PCDH7: variants seen among roughly 807,000 people sequenced by gnomAD.
PCDH7 encodes protocadherin 7, also known as protocadherin-7.
In PCDH7, 17 loss-of-function variants were observed where a neutral mutation model predicts 58.9. The ratio of observed to expected loss-of-function variants is 0.29; its 90% CI spans 0.20 to 0.43. PCDH7 has a LOEUF of 0.43. Among genes scored for constraint, PCDH7 ranks in the 20% least tolerant of loss-of-function variants. PCDH7 has a pLI of 1.00. For missense variants in PCDH7, 1,274 were observed against 1,441.0 expected, an observed-to-expected ratio of 0.88 and a Z score of 1.88; for synonymous variants, 664 against 616.4, an observed-to-expected ratio of 1.08 and a Z score of -1.14.
intron 1 of PCDH7, chr4:30,725,217 C>G (rs1714443625): frequency 1.0e-6 from 1 of 994,136 alleles, no homozygotes; most frequent in Admixed American, 6.1e-5. Flanking sequence ...TCTTTTATAT[C>G]TATAATAATC....
chr4:30,790,137 T>G (rs2109297694), intron 1 of PCDH7, among the ~76,000 whole-genome samples: 1 of 152,338 alleles, frequency 6.6e-6, no homozygotes, highest in South Asian at 2.1e-4. Context: ...TGAATGCTAT[T>G]ATTTCACTTC....
chr4:30,859,200 C>A (rs1299728211), intron 1 of PCDH7, among the ~76,000 whole-genome samples: 1 of 152,100 alleles, frequency 6.6e-6, no homozygotes, highest in Admixed American at 6.5e-5. Flanking sequence ...CTGTGGTTTT[C>A]ATCCTGGGCT....
intron 1 of PCDH7, among the ~76,000 whole-genome samples, chr4:30,759,142 A>G (rs1033187402): frequency 2.6e-5 from 4 of 151,896 alleles, no homozygotes; most frequent in Non-Finnish European, 5.9e-5. Context: ...GGGTTTCACC[A>G]TGTTGGCCAG....
At chr4:30,956,653 A>C (rs191714288) in intron 3 of PCDH7, among the ~76,000 whole-genome samples, 102 of 152,230 alleles carry the variant, frequency 6.7e-4, no homozygotes, top group Non-Finnish European at 1.1e-3. Context: ...AGAATCATAA[A>C]GTATTTTACC....
chr4:31,111,970 CA>C (rs1180067547), intron 3 of PCDH7, among the ~76,000 whole-genome samples: 1 of 151,954 alleles, frequency 6.6e-6, no homozygotes, highest in Admixed American at 6.6e-5. Context: ...AAATGGGAAT[CA>C]AAAAATTGAA....
intron 3 of PCDH7, among the ~76,000 whole-genome samples, chr4:31,014,962 C>A (rs892346719): frequency 6.6e-6 from 1 of 152,102 alleles, no homozygotes; most frequent in Non-Finnish European, 1.5e-5. Flanking sequence ...GAGAGAAATT[C>A]TCTTGCATGC....
chr4:31,022,517 T>C (rs1197037677), intron 3 of PCDH7, among the ~76,000 whole-genome samples: 4 of 152,182 alleles, frequency 2.6e-5, no homozygotes, highest in Non-Finnish European at 4.4e-5. Flanking sequence ...ATTTCGTACA[T>C]TTCTTATATG....
At chr4:30,859,270 T>A (rs1450034750) in intron 1 of PCDH7, among the ~76,000 whole-genome samples, 2 of 152,132 alleles carry the variant, frequency 1.3e-5, no homozygotes, top group African/African-American at 2.4e-5. Context: ...GCATTTTAAA[T>A]CGTTTATCAA....
At chr4:30,963,629 C>T (rs534617671) in intron 3 of PCDH7, among the ~76,000 whole-genome samples, 7 of 152,136 alleles carry the variant, frequency 4.6e-5, no homozygotes, top group African/African-American at 1.7e-4. Context: ...CTACATATCC[C>T]TGCATTTTTC....
rs61192205 is a variant in PCDH7, at chr4:30,721,465, T to C, written c.43T>C (p.Leu15=). 3.4e-3 allele frequency: 5,281 copies of C among 1,572,836 alleles called. 175 individuals carry two copies. In the African/African-American group the frequency reaches 0.064, roughly 19 times the overall value. ...CGCGGGATGGGCGCGCGGCTGGTGCTTGGGCTGCTGCCTCCTCCTGCCGCT... is the reference window on the plus strand; with the variant it reads ...CGCGGGATGGGCGCGCGGCTGGTGCCTGGGCTGCTGCCTCCTCCTGCCGCT... The change falls in exon 1 of 2, where the codon TTG becomes CTG. Residue 15 remains leucine, a synonymous_variant. Coordinates refer to ENST00000361762, the Ensembl canonical transcript of PCDH7. This position sits in a 1 kb window ranked among gnomAD's most constrained non-coding sequence, Gnocchi z 6.7.
At chr4:31,129,971 G>C (rs1381660673) in intron 3 of PCDH7, among the ~76,000 whole-genome samples, 2 of 151,888 alleles carry the variant, frequency 1.3e-5, no homozygotes, top group African/African-American at 4.8e-5. Flanking sequence ...TAATCACTAG[G>C]AGGGAAACAG....
intron 3 of PCDH7, among the ~76,000 whole-genome samples, chr4:31,004,056 G>A (rs891615902): frequency 2.0e-5 from 3 of 151,858 alleles, no homozygotes; most frequent in Non-Finnish European, 2.9e-5. Context: ...AGTCTCCAAG[G>A]AGAAGAGCTT....
chr4:30,722,547 C>T lies in PCDH7; in HGVS notation c.1125C>T (p.Arg375=), dbSNP rs746072234. The T allele has an allele frequency of 7.4e-6, 12 of 1,612,288 alleles. No homozygotes were observed. Among genetic ancestry groups the T allele is most frequent in the Non-Finnish European group, 1.0e-5 (12 of 1,179,912 alleles). Residue 375 remains arginine, a synonymous_variant, in exon 1 of 2, where the codon CGC becomes CGT. Coordinates refer to ENST00000361762, the Ensembl canonical transcript of PCDH7. The surrounding 1 kb of genome is among the most constrained non-coding windows in gnomAD (Gnocchi z 7.6). ...TCAGCGTCCTGCACCGGATCGACCG[C>T]GAGGAGGTGAACCAGCTGCGCTTCA...
chr4:30,869,715 G>T (rs1480257098), intron 1 of PCDH7, among the ~76,000 whole-genome samples: 1 of 152,088 alleles, frequency 6.6e-6, no homozygotes, highest in Admixed American at 6.6e-5. Context: ...TCAAGTCTTT[G>T]CTATTGGGAA....
At chr4:30,781,375 C>T (rs552737803) in intron 1 of PCDH7, among the ~76,000 whole-genome samples, 177 of 152,090 alleles carry the variant, frequency 1.2e-3, no homozygotes, top group African/African-American at 4.0e-3. Context: ...CTCCTGACCT[C>T]GTGAACCGCC....
intron 3 of PCDH7, among the ~76,000 whole-genome samples, chr4:31,042,050 T>C (rs572669502): frequency 6.6e-6 from 1 of 152,300 alleles, no homozygotes; most frequent in East Asian, 1.9e-4. Flanking sequence ...CTAGTGTTTC[T>C]GATCGACAAA....
chr4:30,804,157 A>G (rs1464080139), intron 1 of PCDH7, among the ~76,000 whole-genome samples: 1 of 152,188 alleles, frequency 6.6e-6, no homozygotes, highest in Admixed American at 6.5e-5. Context: ...AGGTTATATT[A>G]TCATATGTTT....
intron 3 of PCDH7, among the ~76,000 whole-genome samples, chr4:30,973,686 T>C (rs1749799662): frequency 6.6e-6 from 1 of 152,048 alleles, no homozygotes; most frequent in African/African-American, 2.4e-5. Context: ...TGCTGAGCAA[T>C]ACATGTCACA....
chr4:30,799,221 T>C (rs1725196645), intron 1 of PCDH7, among the ~76,000 whole-genome samples: 1 of 152,188 alleles, frequency 6.6e-6, no homozygotes, highest in Non-Finnish European at 1.5e-5. Context: ...TCAAGAAAAT[T>C]CAGCTTCAAT....
Sources: gnomAD v4.1 joint callset for allele counts (sites outside exome capture counted in the v4.1 genomes callset) on GRCh38, gnomAD v4.1.1 for gene constraint, Gnocchi (gnomAD v3.1) non-coding constraint, MANE v1.5 for transcripts, NCBI Gene and HGNC (gene_info 2026-07-23, HGNC 2026-07-21) for gene names.